CDK8: variants seen among roughly 807,000 people sequenced by gnomAD.
CDK8 encodes the protein cyclin-dependent kinase 8.
Under a neutral mutation model 71.5 loss-of-function variants are expected in CDK8, and 29 were observed. The ratio of observed to expected loss-of-function variants is 0.41; its 90% CI spans 0.30 to 0.55. The LOEUF (loss-of-function observed/expected upper bound fraction) is 0.55, where lower values mean the gene tolerates loss of function less well. Ranked by LOEUF, CDK8 falls within the 20% of genes least tolerant of loss-of-function variation. The probability of loss-of-function intolerance (pLI) is 0.37; values close to 1 mark genes in which losing one functional copy is unlikely to be tolerated. For missense variants in CDK8, 288 were observed against 572.6 expected (o/e 0.50, Z 5.07); for synonymous variants, 161 against 192.1 (o/e 0.84, Z 1.34).
At chr13:26,276,888 T>C (rs1872580759) in intron 1 of CDK8, among the ~76,000 whole-genome samples, 1 of 152,208 alleles carries the variant, frequency 6.6e-6, no homozygotes, top group Non-Finnish European at 1.5e-5. Context: ...CTAAATTCAA[T>C]AAAAACAACC....
intron 4 of CDK8, among the ~76,000 whole-genome samples, chr13:26,361,569 T>A (rs1874137389): frequency 6.6e-6 from 1 of 152,124 alleles, no homozygotes; most frequent in African/African-American, 2.4e-5. Flanking sequence ...ATTTATTGAA[T>A]ACTACACTCA....
intron 1 of CDK8, among the ~76,000 whole-genome samples, chr13:26,306,656 T>A (rs184800013): frequency 6.9e-6 from 1 of 144,820 alleles, no homozygotes; most frequent in Admixed American, 7.1e-5. Flanking sequence ...TGAGATGGAG[T>A]CTCATTCTGT....
At chr13:26,299,436 C>T (rs1464112956) in intron 1 of CDK8, among the ~76,000 whole-genome samples, 1 of 152,174 alleles carries the variant, frequency 6.6e-6, no homozygotes, top group Non-Finnish European at 1.5e-5. Context: ...TCCTAGGCTA[C>T]AAACCTGTAC....
intron 1 of CDK8, among the ~76,000 whole-genome samples, chr13:26,261,038 T>C (rs1274249228): frequency 6.6e-6 from 1 of 152,228 alleles, no homozygotes; most frequent in Non-Finnish European, 1.5e-5. Flanking sequence ...GTAGCCTTGG[T>C]CATGTTACTT....
Position 26,254,912 on chromosome 13 carries a change from G to A in CDK8, c.128+143G>A. ...GCCTCTGGCTCCGCCAGCCAGGTTT[G>A]GGGAGGAAGTGGTGTACGAGGGATC... On this transcript the variant is annotated intron_variant, in intron 1 of 12. Coordinates refer to ENST00000381527, the MANE Select transcript of CDK8 (RefSeq NM_001260.3). This position sits in a 1 kb window ranked among gnomAD's most constrained non-coding sequence, Gnocchi z 6.7. 8.2e-7 allele frequency: 1 copy of A among 1,225,760 alleles called. No individual in the cohort carries two copies. The highest frequency in any genetic ancestry group is 1.5e-5 in the South Asian group (1 of 68,134). 75.9% of individuals were successfully genotyped at this position (1,225,760 alleles called of 1,614,324 possible). A position where few individuals can be genotyped will look rare whatever the true frequency, so the allele number is the denominator to read the frequency against.
intron 1 of CDK8, among the ~76,000 whole-genome samples, chr13:26,314,053 G>T (rs1307276538): frequency 2.0e-5 from 3 of 152,190 alleles, no homozygotes; most frequent in Admixed American, 6.5e-5. Context: ...GGACTCTTCT[G>T]TTACTTTCAC....
intron 4 of CDK8, among the ~76,000 whole-genome samples, chr13:26,368,063 C>T (rs1874474410): frequency 1.3e-5 from 2 of 152,138 alleles, no homozygotes; most frequent in Admixed American, 1.3e-4. Context: ...ATTTGGATTG[C>T]CCAGATGGTC....
chr13:26,386,374 CCTTT>C (rs1440618058), intron 6 of CDK8, among the ~76,000 whole-genome samples: 3 of 152,156 alleles, frequency 2.0e-5, no homozygotes, highest in Non-Finnish European at 4.4e-5. Context: ...GTGTGCTTTA[CCTTT>C]CTTCTTTTCT....
chr13:26,339,042 C>T (rs1873111688), intron 2 of CDK8, among the ~76,000 whole-genome samples: 1 of 151,914 alleles, frequency 6.6e-6, no homozygotes, highest in Non-Finnish European at 1.5e-5. Flanking sequence ...ACTATAAATG[C>T]ACTTAAATAC....
At chr13:26,271,918 T>G (rs1872345252) in intron 1 of CDK8, among the ~76,000 whole-genome samples, 2 of 147,660 alleles carry the variant, frequency 1.4e-5, no homozygotes, top group Non-Finnish European at 3.0e-5. Context: ...TAGAAGTTGC[T>G]CTGGGTGAGT....
chr13:26,375,367 A>C (rs1874895698), intron 4 of CDK8, among the ~76,000 whole-genome samples: 1 of 152,214 alleles, frequency 6.6e-6, no homozygotes. Context: ...GTTGATGAAG[A>C]GGAGGATGTT....
At chr13:26,318,257 A>G (rs776833045) in intron 1 of CDK8, among the ~76,000 whole-genome samples, 42 of 152,272 alleles carry the variant, frequency 2.8e-4, no homozygotes, top group South Asian at 2.3e-3. Context: ...AGAAAATCTG[A>G]CTAGACATAC....
intron 1 of CDK8, among the ~76,000 whole-genome samples, chr13:26,286,190 C>T (rs1211027059): frequency 1.3e-5 from 2 of 152,158 alleles, no homozygotes; most frequent in African/African-American, 2.4e-5. Flanking sequence ...CAAGAAAGAG[C>T]CCACATAGCC....
chr13:26,254,180 A>AGAGT lies in CDK8; in HGVS notation c.-444_-441dup, dbSNP rs533020430. On this transcript the variant is annotated 5_prime_UTR_variant, in exon 1 of 13. Coordinates refer to ENST00000381527, the MANE Select transcript of CDK8 (RefSeq NM_001260.3). The surrounding 1 kb of genome is among the most constrained non-coding windows in gnomAD (Gnocchi z 6.7). ...CTGCCCTTCTGTTTGAGTGTATGGG[A>AGAGT]GAGTGAGTGAGTGAGTGAGTGTGAG... The AGAGT allele has an allele frequency of 8.4e-5, 20 of 238,040 alleles. No homozygotes were observed. The highest frequency in any genetic ancestry group is 1.8e-4 in the East Asian group (3 of 16,446). The allele number at this position is 238,040 out of a possible 1,614,324, so 14.7% of individuals were successfully genotyped here. A position where few individuals can be genotyped will look rare whatever the true frequency, so the allele number is the denominator to read the frequency against.
chr13:26,278,001 T>C (rs1593234010), intron 1 of CDK8, among the ~76,000 whole-genome samples: 1 of 152,142 alleles, frequency 6.6e-6, no homozygotes, highest in Non-Finnish European at 1.5e-5. Context: ...GCACTAAACA[T>C]AGGGAGGAAC....
chr13:26,292,151 T>G (rs1873331648), intron 1 of CDK8, among the ~76,000 whole-genome samples: 1 of 152,210 alleles, frequency 6.6e-6, no homozygotes, highest in Non-Finnish European at 1.5e-5. Flanking sequence ...AAAAGTCAAC[T>G]TGGGAAATAA....
At chr13:26,312,880 C>T (rs1874353454) in intron 1 of CDK8, among the ~76,000 whole-genome samples, 1 of 152,150 alleles carries the variant, frequency 6.6e-6, no homozygotes, top group Non-Finnish European at 1.5e-5. Context: ...AGAAATTTCC[C>T]TTGTTTAATA....
At chr13:26,372,267 A>G (rs953525304) in intron 4 of CDK8, among the ~76,000 whole-genome samples, 4 of 152,234 alleles carry the variant, frequency 2.6e-5, no homozygotes, top group Non-Finnish European at 5.9e-5. Context: ...TGAGTGAAAT[A>G]TATACATTCA....
chr13:26,317,802 G>C (rs552368773), intron 1 of CDK8, among the ~76,000 whole-genome samples: 1 of 152,180 alleles, frequency 6.6e-6, no homozygotes, highest in South Asian at 2.1e-4. Flanking sequence ...GCAGTAGTAA[G>C]GGGGAAGTTT....
Sources: gnomAD v4.1 joint callset for allele counts (sites outside exome capture counted in the v4.1 genomes callset) on GRCh38, gnomAD v4.1.1 for gene constraint, Gnocchi (gnomAD v3.1) non-coding constraint, MANE v1.5 for transcripts, NCBI Gene and HGNC (gene_info 2026-07-23, HGNC 2026-07-21) for gene names.